The following TTC6 variants were observed in gnomAD, a reference collection of about 807,000 sequenced individuals.
TTC6 encodes tetratricopeptide repeat domain 6.
In TTC6, 172 loss-of-function variants were observed where a neutral mutation model predicts 210.4. That is an observed-to-expected ratio of 0.82 (90% CI 0.72 to 0.93). The LOEUF is 0.93. TTC6 is among the 40% of genes least tolerant of loss of function. The pLI is 0.00. For missense variants in TTC6, 2,414 were observed against 2,318.1 expected (o/e 1.04, Z -0.85); for synonymous variants, 804 against 819.6 (o/e 0.98, Z 0.32).
chr14:37,752,104 C>T lies in TTC6; in HGVS notation c.3129+879C>T, dbSNP rs944073370. Among the ~76,000 whole-genome samples the T allele has an allele frequency of 5.3e-5, 8 of 152,130 alleles. No individual in the cohort carries two copies. The East Asian group carries it at 5.8e-4, about 11-fold the overall frequency. On this transcript the variant is annotated intron_variant, in intron 13 of 30. Coordinates refer to ENST00000553443, the Ensembl canonical transcript of TTC6. ...CCTCCCAAAGTGGTGGGGTTACAGG[C>T]GTGAGCCACCGTGCCCGGCCAGGAA...
intron 2 of TTC6, among the ~76,000 whole-genome samples, chr14:37,616,640 T>A (rs2095643103): frequency 6.6e-6 from 1 of 150,398 alleles, no homozygotes; most frequent in African/African-American, 2.5e-5. Context: ...GAGCTTGCGG[T>A]GAGCGAAGAT....
intron 14 of TTC6, among the ~76,000 whole-genome samples, chr14:37,771,272 A>G (rs79783179): frequency 6.6e-6 from 1 of 151,844 alleles, no homozygotes; most frequent in African/African-American, 2.4e-5. Flanking sequence ...GAATCTGACA[A>G]TTATGTGTCT....
At chr14:37,639,885 TA>T (rs571405717) in intron 1 of TTC6, among the ~76,000 whole-genome samples, 14,400 of 128,718 alleles carry the variant, frequency 0.11, 806 homozygotes, top group African/African-American at 0.17. Flanking sequence ...GACCCTGTCT[TA>T]AAAAAAAAAA....
intron 2 of TTC6, among the ~76,000 whole-genome samples, chr14:37,614,341 C>G (rs2095639184): frequency 6.6e-6 from 1 of 152,128 alleles, no homozygotes; most frequent in African/African-American, 2.4e-5. Flanking sequence ...ACATAAAATG[C>G]AGAAACTGTA....
rs906007863 is a variant in TTC6 at position 37,812,428 on chromosome 14, C to CTAGA, written c.4685_4688dup (p.Glu1563AspfsTer5). On this transcript the variant is annotated frameshift_variant, in exon 25 of 31. Transcript: ENST00000553443. LOFTEE classifies it high-confidence loss of function. ...AGAACTAGGCCAGTATGGCTTTGCA[C>CTAGA]TAGAGGTAAGCCTTCCTGTTGTGTA... 3 of 1,601,754 alleles carry CTAGA rather than the reference C, an allele frequency of 1.9e-6. No individual in the cohort carries two copies. The highest frequency in any genetic ancestry group is 2.6e-6 in the Non-Finnish European group (3 of 1,175,548).
At chr14:37,660,206 G>A (rs960359116) in intron 1 of TTC6, among the ~76,000 whole-genome samples, 3 of 151,876 alleles carry the variant, frequency 2.0e-5, no homozygotes, top group Admixed American at 1.3e-4. Flanking sequence ...TATTGCCTAG[G>A]TTGTCTTCCA....
At chr14:37,654,538 C>G (rs933551242) in intron 1 of TTC6, among the ~76,000 whole-genome samples, 1 of 152,134 alleles carries the variant, frequency 6.6e-6, no homozygotes, top group African/African-American at 2.4e-5. Context: ...GCTTCCTGTA[C>G]AGCCTGCAGA....
chr14:37,739,948 G>A (rs1361468901), intron 10 of TTC6, among the ~76,000 whole-genome samples: 2 of 151,980 alleles, frequency 1.3e-5, no homozygotes, highest in African/African-American at 2.4e-5. Context: ...CAGATCACGA[G>A]GTCAGGAGAT....
chr14:37,814,757 T>G (rs532718204), intron 25 of TTC6, among the ~76,000 whole-genome samples: 2 of 152,052 alleles, frequency 1.3e-5, no homozygotes, highest in African/African-American at 4.8e-5. Flanking sequence ...AGTTAAAAAA[T>G]TAAAACAACT....
chr14:37,659,213 T>C (rs1028888962), intron 1 of TTC6, among the ~76,000 whole-genome samples: 1 of 152,188 alleles, frequency 6.6e-6, no homozygotes, highest in Non-Finnish European at 1.5e-5. Context: ...TCCATGTATT[T>C]GCTATTGTTA....
chr14:37,633,390 C>T (rs1351264327), intron 1 of TTC6, among the ~76,000 whole-genome samples: 1 of 152,170 alleles, frequency 6.6e-6, no homozygotes, highest in Non-Finnish European at 1.5e-5. Context: ...GTTTTCCAAC[C>T]CCTTGCACTT....
exon 30 of TTC6, chr14:37,841,536 A>G (rs368963357): frequency 1.7e-5 from 27 of 1,604,366 alleles, no homozygotes; most frequent in Non-Finnish European, 2.5e-6. Context: ...ATATTAAAGA[A>G]ATATGAAGAA....
At position 37,824,730 on chromosome 14, in the gene TTC6, TGA is replaced by T. The variant is rs541900212; in HGVS notation, c.4974+778_4974+779del. On this transcript the variant is annotated intron_variant, in intron 27 of 30. Transcript: ENST00000553443. ...AAATAACCTAGCTTTGTTTGAGAGG[TGA>T]GAGAAAGTTTTTTGAGAAATTAACA... Among the ~76,000 whole-genome samples, 317 of 151,970 alleles carry T rather than the reference TGA, an allele frequency of 2.1e-3. 4 individuals carry two copies. The highest frequency in any genetic ancestry group is 7.1e-3 in the African/African-American group (293 of 41,426).
Position 37,652,378 on chromosome 14 carries a change from A to G in TTC6, c.940-27773A>G, listed in dbSNP as rs1202928763. 4.6e-5 allele frequency among the ~76,000 whole-genome samples: 7 copies of G among 152,320 alleles called. No homozygotes were observed. In the South Asian group the frequency reaches 1.0e-3, roughly 23 times the overall value. On this transcript the variant is annotated intron_variant, in intron 1 of 30. Transcript: ENST00000553443. ...TTGGACTACAGCTGAAAGAGGTTAA[A>G]TAGGGATTTTCTTTTAAATGAATGT...
At position 37,808,634 on chromosome 14, in the gene TTC6, G is replaced by A. The variant is rs555617400; in HGVS notation, c.4456-99G>A. 16 of 614,594 alleles carry A rather than the reference G, an allele frequency of 2.6e-5. No homozygotes were observed. The African/African-American group carries it at 2.9e-4, about 11-fold the overall frequency. The allele number at this position is 614,594 out of a possible 1,614,324, so 38.1% of individuals were successfully genotyped here. ...GATGATACAAAGAATGGTTAAATGA[G>A]TGTTTCAAAAACTCTGATAGAAACA... On this transcript the variant is annotated intron_variant, in intron 23 of 30. Transcript: ENST00000553443.
At chr14:37,741,487 G>T (rs1016342588) in intron 10 of TTC6, among the ~76,000 whole-genome samples, 1 of 151,666 alleles carries the variant, frequency 6.6e-6, no homozygotes, top group Non-Finnish European at 1.5e-5. Context: ...ACAGGGTTTT[G>T]TCATGTTGGC....
chr14:37,831,977 CTTTTGTGG>C (rs1469461959), intron 29 of TTC6, among the ~76,000 whole-genome samples: 1 of 152,066 alleles, frequency 6.6e-6, no homozygotes, highest in African/African-American at 2.4e-5. Context: ...GTTGCCTGTG[CTTTTGTGG>C]TTTTAACTCT....
At chr14:37,663,526 T>C (rs2095741656) in intron 1 of TTC6, among the ~76,000 whole-genome samples, 1 of 152,160 alleles carries the variant, frequency 6.6e-6, no homozygotes. Flanking sequence ...GTTATCAAGA[T>C]TTGTGAGTTA....
intron 6 of TTC6, among the ~76,000 whole-genome samples, chr14:37,724,075 C>T (rs1463781786): frequency 1.3e-5 from 2 of 152,114 alleles, no homozygotes; most frequent in African/African-American, 2.4e-5. Context: ...AATACAGAAA[C>T]CACACTAGCA....
Sources: gnomAD v4.1 joint callset for allele counts (sites outside exome capture counted in the v4.1 genomes callset) on GRCh38, gnomAD v4.1.1 for gene constraint, MANE v1.5 for transcripts, NCBI Gene and HGNC (gene_info 2026-07-23, HGNC 2026-07-21) for gene names.